Variants in KLC1 observed in about 807,000 individuals in gnomAD.
KLC1 encodes kinesin 2 60/70kDa.
Under a neutral mutation model 84.2 loss-of-function variants are expected in KLC1, and 30 were observed. The ratio of observed to expected loss-of-function variants is 0.36; its 90% CI spans 0.27 to 0.48. KLC1 has a LOEUF of 0.48. Ranked by LOEUF, KLC1 falls within the 20% of genes least tolerant of loss-of-function variation. The probability of loss-of-function intolerance (pLI) is 0.99; values close to 1 mark genes in which losing one functional copy is unlikely to be tolerated. For missense variants in KLC1, 499 were observed against 805.4 expected, an observed-to-expected ratio of 0.62 and a Z score of 4.60; for synonymous variants, 289 against 293.3, an observed-to-expected ratio of 0.99 and a Z score of 0.15.
chr14:103,658,847 T>G (rs1280015828), intron 3 of KLC1, among the ~76,000 whole-genome samples: 2 of 151,198 alleles, frequency 1.3e-5, no homozygotes. Context: ...TTAGTAGAGA[T>G]AGGGTTTCAT....
intron 12 of KLC1, among the ~76,000 whole-genome samples, chr14:103,679,018 G>A (rs1246071410): frequency 6.6e-6 from 1 of 152,210 alleles, no homozygotes; most frequent in Admixed American, 6.5e-5. Flanking sequence ...GGAGTCTCAT[G>A]TCTTCTTGCT....
At chr14:103,697,019 CGT>C in intron 15 of KLC1, 1 of 985,430 alleles carries the variant, frequency 1.0e-6, no homozygotes, top group Non-Finnish European at 1.2e-6. Flanking sequence ...AGCTTCCAGG[CGT>C]GTTTTCTCTG....
Position 103,700,636 on chromosome 14 carries a change from G to A in KLC1, c.1849-19G>A, listed in dbSNP as rs577827704. On this transcript the variant is annotated intron_variant, in intron 15 of 16. Coordinates refer to ENST00000334553, the MANE Select transcript of KLC1 (RefSeq NM_001394837.1). ...CGCCTGCACGCCCTGAGTGAAACTCGTCTGTGCTTCATCTCCAGGGCGTCT... is the reference window on the plus strand; with the variant it reads ...CGCCTGCACGCCCTGAGTGAAACTCATCTGTGCTTCATCTCCAGGGCGTCT... The A allele has an allele frequency of 1.5e-5, 24 of 1,601,758 alleles. No homozygotes were observed. The highest frequency in any genetic ancestry group is 1.4e-4 in the East Asian group (6 of 44,224).
intron 3 of KLC1, 22 bp downstream of exon 3, chr14:103,657,798 G>A (rs779365660): frequency 6.4e-7 from 1 of 1,551,596 alleles, no homozygotes; most frequent in African/African-American, 1.4e-5. Context: ...TGTAGCAAAT[G>A]TGGTGCTAAT....
At chr14:103,674,997 C>T (rs1020364775) in intron 9 of KLC1, among the ~76,000 whole-genome samples, 10 of 152,112 alleles carry the variant, frequency 6.6e-5, no homozygotes, top group African/African-American at 1.4e-4. Flanking sequence ...CCTAATCTGT[C>T]CATGCTGTAA....
At chr14:103,665,616 T>A (rs775945902) in intron 5 of KLC1, among the ~76,000 whole-genome samples, 19 of 152,168 alleles carry the variant, frequency 1.2e-4, no homozygotes, top group Non-Finnish European at 1.9e-4. Flanking sequence ...TTGTATTTTT[T>A]AGTAGAGACA....
At chr14:103,676,075 G>C (rs920881694) in intron 11 of KLC1, among the ~76,000 whole-genome samples, 8 of 151,926 alleles carry the variant, frequency 5.3e-5, no homozygotes, top group African/African-American at 1.9e-4. Flanking sequence ...CTCACACACA[G>C]CGCTGGAGAC....
intron 1 of KLC1, among the ~76,000 whole-genome samples, chr14:103,637,632 A>C (rs899891548): frequency 6.6e-6 from 1 of 151,814 alleles, no homozygotes; most frequent in African/African-American, 2.4e-5. Flanking sequence ...ATATCTATAA[A>C]TAAGTCACCC....
intron 3 of KLC1, among the ~76,000 whole-genome samples, chr14:103,660,411 A>T (rs1437992967): frequency 1.3e-5 from 2 of 150,440 alleles, no homozygotes; most frequent in Non-Finnish European, 3.0e-5. Flanking sequence ...AACCCAGGAG[A>T]TGGAGGTTGC....
At chr14:103,697,026 T>C in intron 15 of KLC1, 2 of 985,488 alleles carry the variant, frequency 2.0e-6, no homozygotes, top group Non-Finnish European at 2.4e-6. Flanking sequence ...AGGCGTGTTT[T>C]CTCTGTTAAA....
intron 11 of KLC1, among the ~76,000 whole-genome samples, chr14:103,676,512 C>T (rs541482328): frequency 1.3e-5 from 2 of 152,270 alleles, no homozygotes; most frequent in East Asian, 1.9e-4. Flanking sequence ...GTGATCCACC[C>T]GCCTCGGCCT....
chr14:103,682,259 A>T (rs575172824), intron 13 of KLC1: 1 of 151,866 alleles, frequency 6.6e-6, no homozygotes, highest in East Asian at 1.9e-4. Flanking sequence ...AGTCCCAGCT[A>T]CTCAGGAGGC....
intron 9 of KLC1, among the ~76,000 whole-genome samples, chr14:103,675,054 C>T (rs762235175): frequency 2.2e-4 from 34 of 152,122 alleles, no homozygotes; most frequent in Non-Finnish European, 3.2e-4. Context: ...ACAGGCTGGG[C>T]GCGGTGGCTC....
rs749630499 is a variant in KLC1, at chr14:103,690,000, C to T, written c.1782-2359C>T. On this transcript the variant is annotated intron_variant, in intron 14 of 16. Transcript: ENST00000334553. The stretch of plus-strand genomic sequence containing the variant: ...TTTGAAACCAGCCTGGCCATCATGG[C>T]GAAACCCCGTCTCTACTAAAAATAC... Among the ~76,000 whole-genome samples, 18 of 151,880 alleles carry T rather than the reference C, an allele frequency of 1.2e-4. 1 individual carries two copies. The highest frequency in any genetic ancestry group is 1.8e-4 in the Non-Finnish European group (12 of 67,958).
chr14:103,634,219 T>C (rs1467474141), intron 1 of KLC1, among the ~76,000 whole-genome samples: 1 of 152,208 alleles, frequency 6.6e-6, no homozygotes, highest in East Asian at 1.9e-4. Context: ...TGTCTCCACT[T>C]AACATTCATA....
chr14:103,675,962 G>T (rs1462278499), intron 11 of KLC1, among the ~76,000 whole-genome samples: 1 of 152,164 alleles, frequency 6.6e-6, no homozygotes, highest in African/African-American at 2.4e-5. Context: ...TGTTAGGTTG[G>T]TGCAAAGGTA....
At chr14:103,676,780 A>C (rs896771920) in intron 11 of KLC1, among the ~76,000 whole-genome samples, 5 of 152,218 alleles carry the variant, frequency 3.3e-5, no homozygotes, top group African/African-American at 1.2e-4. Flanking sequence ...AAATGAATCT[A>C]GGTTTATTTA....
intron 5 of KLC1, among the ~76,000 whole-genome samples, chr14:103,663,510 C>T (rs1249623090): frequency 1.3e-5 from 2 of 152,154 alleles, no homozygotes; most frequent in African/African-American, 4.8e-5. Flanking sequence ...CTGTTTTGAC[C>T]TTTTCCACAA....
Position 103,694,497 on chromosome 14 carries a change from G to C in KLC1, c.1848+2072G>C. ...AAGCTTTATGGAATGAGGGAGCACG[G>C]TGGACTCTGACAGGAACCTTTTCAA... On this transcript the variant is annotated intron_variant, in intron 15 of 16. Coordinates refer to ENST00000334553, the MANE Select transcript of KLC1 (RefSeq NM_001394837.1). The surrounding 1 kb of genome is among the most constrained non-coding windows in gnomAD (Gnocchi z 4.5). 1.0e-6 allele frequency: 1 copy of C among 985,500 alleles called. No homozygotes were observed. Among genetic ancestry groups the C allele is most frequent in the Non-Finnish European group, 1.2e-6 (1 of 829,966 alleles). The allele number at this position is 985,500 out of a possible 1,614,324, so 61.0% of individuals were successfully genotyped here.
Sources: gnomAD v4.1 joint callset for allele counts (sites outside exome capture counted in the v4.1 genomes callset) on GRCh38, gnomAD v4.1.1 for gene constraint, Gnocchi (gnomAD v3.1) non-coding constraint, MANE v1.5 for transcripts, NCBI Gene and HGNC (gene_info 2026-07-23, HGNC 2026-07-21) for gene names.